The following KDM3A variants were observed in gnomAD, a reference collection of about 807,000 sequenced individuals.
KDM3A encodes lysine demethylase 3A.
KDM3A carries 60 observed loss-of-function variants against 158.0 expected under a neutral mutation model. That is an observed-to-expected ratio of 0.38 (90% CI 0.31 to 0.47). The LOEUF is 0.47. Among genes scored for constraint, KDM3A ranks in the 20% least tolerant of loss-of-function variants. The pLI, the probability that KDM3A is intolerant of heterozygous loss-of-function variation, is 0.99. For missense variants in KDM3A, 1,319 were observed against 1,574.3 expected (o/e 0.84, Z 2.74); for synonymous variants, 608 against 549.3 (o/e 1.11, Z -1.49).
intron 4 of KDM3A, among the ~76,000 whole-genome samples, chr2:86,453,697 AAACT>A (rs1452504338): frequency 2.0e-5 from 3 of 152,204 alleles, no homozygotes; most frequent in Non-Finnish European, 4.4e-5. Context: ...AAAAAAACAA[AAACT>A]AACCCATTCT....
chr2:86,490,174 A>G (rs371175674), intron 23 of KDM3A: 3 of 152,642 alleles, frequency 2.0e-5, no homozygotes, highest in African/African-American at 7.2e-5. Context: ...AGCAAGGGCT[A>G]TGTGTGGAAA....
At chr2:86,482,746 C>A (rs770147031) in intron 18 of KDM3A, 52 bp downstream of exon 18, 33 of 1,566,814 alleles carry the variant, frequency 2.1e-5, no homozygotes, top group Non-Finnish European at 2.9e-5. Flanking sequence ...CTTCTCAGTT[C>A]CTTTAGCAGA....
At chr2:86,458,010 A>G (rs6734709) in intron 8 of KDM3A, among the ~76,000 whole-genome samples, 11,729 of 152,208 alleles carry the variant, frequency 0.077, 670 homozygotes, top group Non-Finnish European at 0.11. Flanking sequence ...TAAATGTCAC[A>G]TGGATAGTTT....
At chr2:86,458,645 CA>C (rs1672803314) in intron 8 of KDM3A, among the ~76,000 whole-genome samples, 1 of 152,136 alleles carries the variant, frequency 6.6e-6, no homozygotes, top group South Asian at 2.1e-4. Context: ...AGGAGCTCTG[CA>C]GGTGCCTCAA....
At chr2:86,470,445 A>G (rs1244031961) in intron 11 of KDM3A, 37 bp downstream of exon 11, 1 of 1,545,894 alleles carries the variant, frequency 6.5e-7, no homozygotes, top group South Asian at 1.1e-5. Context: ...TAATCTGGGC[A>G]TACTTGTTAT....
At chr2:86,466,232 T>C (rs1673140233) in intron 9 of KDM3A, 140 bp from the exon 10 acceptor site, 1 of 844,706 alleles carries the variant, frequency 1.2e-6, no homozygotes, top group Admixed American at 2.4e-5. Flanking sequence ...CAGAAATCTA[T>C]CCTAAATTCT....
intron 12 of KDM3A, among the ~76,000 whole-genome samples, chr2:86,477,286 A>C (rs1389654079): frequency 6.6e-6 from 1 of 152,308 alleles, no homozygotes; most frequent in African/African-American, 2.4e-5. Context: ...CTGACTGGTG[A>C]AGAAACTGAT....
In KDM3A at chr2:86,456,439, A is replaced by G. The variant is rs1255745712; in HGVS notation, c.557-3A>G. 3 of 1,151,658 alleles carry G rather than the reference A, an allele frequency of 2.6e-6. No individual in the cohort carries two copies. The South Asian group carries it at 5.8e-5, about 22-fold the overall frequency. 71.3% of individuals were successfully genotyped at this position (1,151,658 alleles called of 1,614,324 possible). The stretch of plus-strand genomic sequence containing the variant: ...AGATTTTTTTTTTTTTTTTTTTTTT[A>G]AGGTGACAAAAACTTAGTTGGTTCA... On this transcript the variant is annotated splice_polypyrimidine_tract_variant and splice_region_variant and intron_variant, in intron 5 of 25. Transcript: ENST00000312912.
In KDM3A at chr2:86,483,972, C is replaced by T. The variant is rs755764403; in HGVS notation, c.2923-15C>T. 4 of 1,601,588 alleles carry T rather than the reference C, an allele frequency of 2.5e-6. No homozygotes were observed. Among genetic ancestry groups the T allele is most frequent in the Non-Finnish European group, 3.4e-6 (4 of 1,174,020 alleles). On this transcript the variant is annotated splice_polypyrimidine_tract_variant and intron_variant, in intron 18 of 25. Transcript: ENST00000312912. Reference sequence around the variant, plus strand: ...TGGCAGAGTTCAGACTAAAGTTTTCCTTCTCTTCATTTAGCCAGTGATGGT... The same window carrying T: ...TGGCAGAGTTCAGACTAAAGTTTTCTTTCTCTTCATTTAGCCAGTGATGGT...
intron 2 of KDM3A, among the ~76,000 whole-genome samples, chr2:86,448,827 C>T (rs970565459): frequency 1.3e-5 from 2 of 152,136 alleles, no homozygotes; most frequent in African/African-American, 4.8e-5. Flanking sequence ...GATTTTTACA[C>T]TGAATATCGA....
intron 5 of KDM3A, among the ~76,000 whole-genome samples, chr2:86,455,953 CAAA>C (rs574299612): frequency 2.5e-4 from 14 of 56,176 alleles, no homozygotes; most frequent in Non-Finnish European, 4.8e-4. Context: ...GACCCTGTCT[CAAA>C]AAAAAAAAAA....
chr2:86,441,949 C>A, intron 1 of KDM3A, 69 bp from the exon 2 acceptor site: 23 of 1,212,856 alleles, frequency 1.9e-5, no homozygotes, highest in South Asian at 2.5e-5. Context: ...CGCCCGCCCT[C>A]CCTGCTGTCT....
Position 86,489,517 on chromosome 2 carries a change from T to C in KDM3A, c.3434-3T>C. On this transcript the variant is annotated splice_region_variant and splice_polypyrimidine_tract_variant and intron_variant, in intron 22 of 25. Transcript: ENST00000312912. ...TGATATCTGCTTTCTCTTCTTGCTC[T>C]AGAAGTCCTTAAGACCATCCAAGAT... 2 of 1,612,204 alleles carry C rather than the reference T, an allele frequency of 1.2e-6. No individual in the cohort carries two copies. Among genetic ancestry groups the C allele is most frequent in the Non-Finnish European group, 1.7e-6 (2 of 1,179,264 alleles).
rs1241334062 is a variant in KDM3A at position 86,478,203 on chromosome 2, G to A, written c.2126G>A (p.Cys709Tyr). Residue 709 changes from cysteine (C) to tyrosine (Y), a missense_variant, in exon 14 of 26, where the codon TGT (cysteine) becomes TAT (tyrosine). This residue lies in a region of KDM3A where 368 missense variants were observed against 415.8 expected (regional missense o/e 0.89). Transcript: ENST00000312912. ...AAYKTFSWLKCVKSQIHEPEN... is the reference protein window; with the variant it reads ...AAYKTFSWLKYVKSQIHEPEN... ...TACAAGACTTTCTCTTGGCTAAAAT[G>A]TGTGAAGAGTCAGATACATGAACCA... 6.2e-7 allele frequency: 1 copy of A among 1,614,064 alleles called. No homozygotes were observed. Among genetic ancestry groups the A allele is most frequent in the Non-Finnish European group, 8.5e-7 (1 of 1,179,900 alleles).
chr2:86,478,348 T>A (rs1304643764), intron 14 of KDM3A, 83 bp downstream of exon 14: 1 of 1,042,170 alleles, frequency 9.6e-7, no homozygotes, highest in East Asian at 2.4e-5. Flanking sequence ...CCTTTATTAC[T>A]CGTTAAGTTT....
chr2:86,444,437 GT>G (rs1419617595), intron 2 of KDM3A, among the ~76,000 whole-genome samples: 31 of 152,040 alleles, frequency 2.0e-4, no homozygotes, highest in African/African-American at 7.5e-4. Context: ...CCTTAGTTGA[GT>G]AGCAGATGTT....
chr2:86,480,855 A>C (rs1057169876), intron 16 of KDM3A, among the ~76,000 whole-genome samples: 1 of 152,232 alleles, frequency 6.6e-6, no homozygotes, highest in Non-Finnish European at 1.5e-5. Context: ...AGGAAAAGGA[A>C]TATTCAAACT....
Position 86,492,268 on chromosome 2 carries a change from G to A in KDM3A, c.*149G>A, listed in dbSNP as rs908045215. 9 of 611,726 alleles carry A rather than the reference G, an allele frequency of 1.5e-5. No homozygotes were observed. Among genetic ancestry groups the A allele is most frequent in the Non-Finnish European group, 2.0e-5 (7 of 341,684 alleles). 37.9% of individuals were successfully genotyped at this position (611,726 alleles called of 1,614,324 possible). ...ACTCTGTCTAATGTATATTTCTAGT[G>A]TTTACAGACAGTAAATGTGTATATG... On this transcript the variant is annotated 3_prime_UTR_variant, in exon 26 of 26. Transcript: ENST00000312912.
rs749873761 is a variant in KDM3A, at chr2:86,468,297, G to A, written c.1519+1414G>A. 7.1e-4 allele frequency among the ~76,000 whole-genome samples: 108 copies of A among 152,174 alleles called. 4 individuals carry two copies. Among genetic ancestry groups the A allele is most frequent in the Non-Finnish European group, 4.6e-4 (31 of 68,042 alleles). ...AAAATTAATTGCATAAGATTATCCT[G>A]TTCTCAGAAATTAGGTAACACTCAA... On this transcript the variant is annotated intron_variant, in intron 10 of 25. Transcript: ENST00000312912.
Sources: gnomAD v4.1 joint callset for allele counts (sites outside exome capture counted in the v4.1 genomes callset) on GRCh38, gnomAD v4.1.1 for gene constraint, gnomAD v4.1.1 regional missense constraint, MANE v1.5 for transcripts, NCBI Gene and HGNC (gene_info 2026-07-23, HGNC 2026-07-21) for gene names.